The following NXPH1 variants were observed in gnomAD, a reference collection of about 807,000 sequenced individuals.
The protein encoded by NXPH1 is neurexophilin 1, also known as neurexophilin-1.
In NXPH1, 5 loss-of-function variants were observed where a neutral mutation model predicts 23.7. That is an observed-to-expected ratio of 0.21 (90% CI 0.11 to 0.44). NXPH1 has a LOEUF of 0.44. NXPH1 is among the 20% of genes least tolerant of loss of function. NXPH1 has a pLI of 0.99. For missense variants in NXPH1, 324 were observed against 321.6 expected, an observed-to-expected ratio of 1.01 and a Z score of -0.06; for synonymous variants, 144 against 122.2, an observed-to-expected ratio of 1.18 and a Z score of -1.18.
At chr7:8,632,879 C>A (rs1820157007) in intron 2 of NXPH1, among the ~76,000 whole-genome samples, 1 of 152,098 alleles carries the variant, frequency 6.6e-6, no homozygotes, top group Non-Finnish European at 1.5e-5. Context: ...TAATCAAGTA[C>A]CTAGTGAAAA....
chr7:8,517,729 G>C (rs1375964687), intron 2 of NXPH1, among the ~76,000 whole-genome samples: 1 of 152,146 alleles, frequency 6.6e-6, no homozygotes, highest in African/African-American at 2.4e-5. Flanking sequence ...GAAGTGGGGA[G>C]AGGAACAACA....
intron 2 of NXPH1, among the ~76,000 whole-genome samples, chr7:8,595,467 A>G (rs1440653102): frequency 6.6e-6 from 1 of 152,066 alleles, no homozygotes; most frequent in Non-Finnish European, 1.5e-5. Context: ...GGTAAAATAT[A>G]TTGTAAACAT....
chr7:8,723,058 T>G (rs1394551816), intron 2 of NXPH1, among the ~76,000 whole-genome samples: 1 of 152,220 alleles, frequency 6.6e-6, no homozygotes, highest in Non-Finnish European at 1.5e-5. Context: ...GTGCTGTTAA[T>G]GAACACTTTT....
At chr7:8,721,323 C>T (rs749345878) in intron 2 of NXPH1, among the ~76,000 whole-genome samples, 6 of 151,440 alleles carry the variant, frequency 4.0e-5, no homozygotes, top group African/African-American at 1.2e-4. Flanking sequence ...TGGTGAATCT[C>T]GGTAAATGGC....
At chr7:8,446,484 T>C (rs1816405895) in intron 2 of NXPH1, among the ~76,000 whole-genome samples, 1 of 152,238 alleles carries the variant, frequency 6.6e-6, no homozygotes, top group South Asian at 2.1e-4. Context: ...CAACAATATA[T>C]GAGTTATGTA....
chr7:8,564,754 C>T lies in NXPH1; in HGVS notation c.54+128987C>T, dbSNP rs187936621. Among the ~76,000 whole-genome samples, 69 of 151,906 alleles carry T rather than the reference C, an allele frequency of 4.5e-4. 1 individual carries two copies. Among genetic ancestry groups the T allele is most frequent in the Non-Finnish European group, 8.0e-4 (54 of 67,814 alleles). On this transcript the variant is annotated intron_variant, in intron 2 of 2. Transcript: ENST00000405863. The stretch of plus-strand genomic sequence containing the variant: ...GTGTGGTCCATTTCTTTCTTAATCT[C>T]ATTAGATAGAGCTAGTCAATTACTG...
intron 2 of NXPH1, among the ~76,000 whole-genome samples, chr7:8,511,936 A>G (rs1817619621): frequency 6.6e-6 from 1 of 152,160 alleles, no homozygotes; most frequent in African/African-American, 2.4e-5. Context: ...CTGACAACTC[A>G]GGAATGGATG....
chr7:8,672,705 C>T (rs377518700), intron 2 of NXPH1, among the ~76,000 whole-genome samples: 31 of 152,258 alleles, frequency 2.0e-4, no homozygotes, highest in South Asian at 8.3e-4. Flanking sequence ...TTCACAGAGG[C>T]GACCTAAGTG....
At chr7:8,699,248 C>A (rs1779583068) in intron 2 of NXPH1, among the ~76,000 whole-genome samples, 1 of 152,128 alleles carries the variant, frequency 6.6e-6, no homozygotes, top group Non-Finnish European at 1.5e-5. Context: ...TCTCTTATCA[C>A]AAACTTGCCT....
At chr7:8,697,022 G>A (rs1433053174) in intron 2 of NXPH1, among the ~76,000 whole-genome samples, 1 of 151,422 alleles carries the variant, frequency 6.6e-6, no homozygotes, top group Non-Finnish European at 1.5e-5. Context: ...GCTGGGTGTG[G>A]TGGTGGGCGC....
intron 2 of NXPH1, among the ~76,000 whole-genome samples, chr7:8,673,334 G>A (rs1173724327): frequency 6.6e-6 from 1 of 152,132 alleles, no homozygotes; most frequent in Non-Finnish European, 1.5e-5. Context: ...TACTTTATGA[G>A]AAAAGTATCA....
At chr7:8,547,041 A>T (rs890564612) in intron 2 of NXPH1, among the ~76,000 whole-genome samples, 2 of 151,384 alleles carry the variant, frequency 1.3e-5, no homozygotes, top group Non-Finnish European at 3.0e-5. Flanking sequence ...CATCCTCCTA[A>T]ACTGAGATGG....
intron 2 of NXPH1, among the ~76,000 whole-genome samples, chr7:8,612,340 G>A (rs1392889593): frequency 1.3e-5 from 2 of 150,986 alleles, no homozygotes; most frequent in Non-Finnish European, 3.0e-5. Flanking sequence ...AGGGAATTTG[G>A]CTGCAATAAA....
intron 2 of NXPH1, among the ~76,000 whole-genome samples, chr7:8,627,429 A>G (rs1300613591): frequency 6.6e-6 from 1 of 152,182 alleles, no homozygotes; most frequent in Non-Finnish European, 1.5e-5. Context: ...TATCTCATAT[A>G]AAACAAAGAA....
At chr7:8,634,863 C>A (rs1470540323) in intron 2 of NXPH1, among the ~76,000 whole-genome samples, 1 of 152,042 alleles carries the variant, frequency 6.6e-6, no homozygotes, top group African/African-American at 2.4e-5. Context: ...GTATTGAGAA[C>A]TCCAGAATTC....
chr7:8,710,952 G>A lies in NXPH1; in HGVS notation c.55-40056G>A, dbSNP rs780684003. ...GCTGGGACTACAGGCGTGAGCCACCGCGCCCGGCCGTTACGGTTTTATGAT... is the reference window on the plus strand; with the variant it reads ...GCTGGGACTACAGGCGTGAGCCACCACGCCCGGCCGTTACGGTTTTATGAT... On this transcript the variant is annotated intron_variant, in intron 2 of 2. Transcript: ENST00000405863. Among the ~76,000 whole-genome samples, 11 of 115,028 alleles carry A rather than the reference G, an allele frequency of 9.6e-5. 1 individual carries two copies. Among genetic ancestry groups the A allele is most frequent in the South Asian group, 8.2e-4 (3 of 3,672 alleles). 75.5% of individuals were successfully genotyped at this position (115,028 alleles called of 152,430 possible).
intron 2 of NXPH1, among the ~76,000 whole-genome samples, chr7:8,487,556 T>C (rs866627869): frequency 6.6e-6 from 1 of 152,126 alleles, no homozygotes; most frequent in Admixed American, 6.6e-5. Flanking sequence ...TGTAAATTAA[T>C]CTAGCTTCTC....
chr7:8,623,728 G>A (rs1819928806), intron 2 of NXPH1, among the ~76,000 whole-genome samples: 1 of 104,992 alleles, frequency 9.5e-6, no homozygotes. Flanking sequence ...GCCTTTTATT[G>A]TCAATTTTTT....
chr7:8,517,233 G>A (rs981357026), intron 2 of NXPH1, among the ~76,000 whole-genome samples: 1 of 152,120 alleles, frequency 6.6e-6, no homozygotes, highest in African/African-American at 2.4e-5. Context: ...GGGTGTTGCG[G>A]GGCCACAGAG....
Sources: allele counts gnomAD v4.1 joint callset (sites outside exome capture counted in the v4.1 genomes callset), GRCh38; gene constraint gnomAD v4.1.1; transcripts MANE v1.5; gene names NCBI Gene and HGNC (gene_info 2026-07-23, HGNC 2026-07-21).